GALNT9: variants seen among roughly 807,000 people sequenced by gnomAD.
GALNT9 encodes polypeptide N-acetylgalactosaminyltransferase 9.
A neutral mutation model predicts 63.1 loss-of-function variants in GALNT9; 47 were observed. That is an observed-to-expected ratio of 0.75 (90% CI 0.59 to 0.95). The LOEUF is 0.95. Among genes scored for constraint, GALNT9 ranks in the 40% least tolerant of loss-of-function variants. The pLI, the probability that GALNT9 is intolerant of heterozygous loss-of-function variation, is 0.00. For synonymous variants in GALNT9, 396 were observed against 365.7 expected (o/e 1.08, Z -0.94); for missense variants, 829 against 874.8 (o/e 0.95, Z 0.66).
At chr12:132,249,692 G>A (rs1013780408) in intron 5 of GALNT9, among the ~76,000 whole-genome samples, 8 of 152,212 alleles carry the variant, frequency 5.3e-5, no homozygotes, top group South Asian at 2.1e-4. Flanking sequence ...CTATTGTAGC[G>A]GGTAGCGTCT....
At position 132,220,949 on chromosome 12, in the gene GALNT9, C is replaced by T. The variant is rs543671040; in HGVS notation, c.1078-17259G>A. Among the ~76,000 whole-genome samples the T allele has an allele frequency of 4.1e-5, 6 of 147,974 alleles. No individual in the cohort carries two copies. The East Asian group carries it at 6.0e-4, about 15-fold the overall frequency. ...GCTCACATCTGTAATCCCAGGTACT[C>T]GGGAGGCTGAGGCAGGACAATCACT... On this transcript the variant is annotated intron_variant, in intron 6 of 10. Transcript: ENST00000328957.
chr12:132,202,185 G>A (rs1210346456), intron 7 of GALNT9, among the ~76,000 whole-genome samples: 2 of 152,232 alleles, frequency 1.3e-5, no homozygotes, highest in East Asian at 1.9e-4. Context: ...TCACACCAGG[G>A]CCCTTGGACA....
chr12:132,300,732 G>T (rs1555243769), intron 1 of GALNT9, among the ~76,000 whole-genome samples: 1 of 142,976 alleles, frequency 7.0e-6, no homozygotes, highest in African/African-American at 2.7e-5. Context: ...ACCCATCCCT[G>T]AGATAACCAA....
chr12:132,306,090 G>A (rs1183811762), intron 1 of GALNT9, among the ~76,000 whole-genome samples: 1 of 152,210 alleles, frequency 6.6e-6, no homozygotes, highest in Non-Finnish European at 1.5e-5. Context: ...GGGAGCCTGT[G>A]GGGACCACAC....
Position 132,325,947 on chromosome 12 carries a change from G to A in GALNT9, c.238+3019C>T, listed in dbSNP as rs189999972. ...AGAGTGAGTCCAGCCGCTGCGACGC[G>A]GGCGACCGTGCTCCCTGGCGGTGAC... On this transcript the variant is annotated intron_variant, in intron 1 of 10. Coordinates refer to ENST00000328957, the MANE Select transcript of GALNT9 (RefSeq NM_001122636.2). Among the ~76,000 whole-genome samples the A allele has an allele frequency of 1.7e-3, 254 of 152,384 alleles. 1 individual carries two copies. Among genetic ancestry groups the A allele is most frequent in the African/African-American group, 5.4e-3 (224 of 41,590 alleles).
At chr12:132,243,739 A>G (rs2136905884) in intron 6 of GALNT9, among the ~76,000 whole-genome samples, 1 of 152,118 alleles carries the variant, frequency 6.6e-6, no homozygotes, top group South Asian at 2.1e-4. Flanking sequence ...GCTCTCCCCA[A>G]CATGCCACCA....
intron 1 of GALNT9, among the ~76,000 whole-genome samples, chr12:132,294,087 G>A (rs1555243017): frequency 6.6e-6 from 1 of 152,258 alleles, no homozygotes; most frequent in Non-Finnish European, 1.5e-5. Flanking sequence ...TGTGAATGAT[G>A]TGGCTGACAG....
intron 1 of GALNT9, among the ~76,000 whole-genome samples, chr12:132,328,263 G>A (rs530221119): frequency 2.6e-5 from 4 of 152,098 alleles, no homozygotes; most frequent in Non-Finnish European, 5.9e-5. Flanking sequence ...CAGACCCACC[G>A]GGAGCTGGAG....
In GALNT9 at chr12:132,197,884, A is replaced by G. The variant is rs781602758; in HGVS notation, c.1573T>C (p.Cys525Arg). 1 of 1,611,598 alleles carries G rather than the reference A, an allele frequency of 6.2e-7. No individual in the cohort carries two copies. The highest frequency in any genetic ancestry group is 1.1e-5 in the South Asian group (1 of 90,832). Residue 525 changes from cysteine to arginine, a missense_variant, in exon 10 of 11, where the codon TGT (cysteine) becomes CGT (arginine). Coordinates refer to ENST00000328957, the MANE Select transcript of GALNT9 (RefSeq NM_001122636.2). ...CGGCCCGTGCCGTCATCCACCAGACACTTGGAGTCAGGCAAGAAGGCTGTG... is the reference window on the plus strand; with the variant it reads ...CGGCCCGTGCCGTCATCCACCAGACGCTTGGAGTCAGGCAAGAAGGCTGTG... ...GSTAFLPDSK[C>R]LVDDGTGRMP...
At chr12:132,305,222 C>G (rs1555244512) in intron 1 of GALNT9, among the ~76,000 whole-genome samples, 1 of 54,666 alleles carries the variant, frequency 1.8e-5, no homozygotes, top group Non-Finnish European at 3.1e-5. Context: ...CACCCTCGCC[C>G]GGACACACCC....
chr12:132,198,840 C>T (rs942181353), intron 9 of GALNT9, among the ~76,000 whole-genome samples: 5 of 152,148 alleles, frequency 3.3e-5, no homozygotes. Context: ...TTTGTAGCGA[C>T]AGGGTTTCGC....
intron 6 of GALNT9, among the ~76,000 whole-genome samples, chr12:132,231,088 CAG>C (rs1187701821): frequency 2.2e-5 from 2 of 92,124 alleles, no homozygotes; most frequent in Non-Finnish European, 2.1e-5. Flanking sequence ...GATGGGGCGA[CAG>C]AGGAGACAGC....
chr12:132,198,453 G>A (rs1214820716), intron 9 of GALNT9, among the ~76,000 whole-genome samples: 1 of 151,668 alleles, frequency 6.6e-6, no homozygotes, highest in Non-Finnish European at 1.5e-5. Flanking sequence ...GCTGGGCCTG[G>A]GCCTGTGCTG....
rs1441288222 is a variant in GALNT9, at chr12:132,327,580, G to C, written c.238+1386C>G. Reference sequence around the variant, plus strand: ...GCCATGTGCTATTGCCGGGCACACCGCCTTCCGGGAGATGAATTGCTCTGC... The same window carrying C: ...GCCATGTGCTATTGCCGGGCACACCCCCTTCCGGGAGATGAATTGCTCTGC... On this transcript the variant is annotated intron_variant, in intron 1 of 10. Coordinates refer to ENST00000328957, the MANE Select transcript of GALNT9 (RefSeq NM_001122636.2). This position sits in a 1 kb window ranked among gnomAD's most constrained non-coding sequence, Gnocchi z 4.3. Among the ~76,000 whole-genome samples, 1 of 152,172 alleles carries C rather than the reference G, an allele frequency of 6.6e-6. No individual in the cohort carries two copies. Among genetic ancestry groups the C allele is most frequent in the African/African-American group, 2.4e-5 (1 of 41,444 alleles).
Position 132,257,865 on chromosome 12 carries a change from C to A in GALNT9, c.783G>T (p.Arg261=). 6.5e-7 allele frequency: 1 copy of A among 1,546,536 alleles called. No homozygotes were observed. The highest frequency in any genetic ancestry group is 8.7e-7 in the Non-Finnish European group (1 of 1,145,530). The change falls in exon 5 of 11, where the codon CGG becomes CGT. Residue 261 remains arginine, a synonymous_variant. Coordinates refer to ENST00000328957, the MANE Select transcript of GALNT9 (RefSeq NM_001122636.2). ...NTGWAEPALS[R]IREDRRRIVL... The stretch of plus-strand genomic sequence containing the variant: ...CGATGCGACGCCGGTCCTCTCGGAT[C>A]CGCGACAGTGCGGGCTCGGCCCTGC...
chr12:132,257,075 C>A (rs868923393), intron 5 of GALNT9, among the ~76,000 whole-genome samples: 15 of 152,176 alleles, frequency 9.9e-5, no homozygotes, highest in African/African-American at 2.9e-4. Context: ...TTGATGGGGC[C>A]AGTGAGCCTG....
chr12:132,265,823 G>A lies in GALNT9; in HGVS notation c.420-3198C>T, dbSNP rs1879573324. 6.6e-6 allele frequency among the ~76,000 whole-genome samples: 1 copy of A among 152,218 alleles called. No homozygotes were observed. On this transcript the variant is annotated intron_variant, in intron 2 of 10. Coordinates refer to ENST00000328957, the MANE Select transcript of GALNT9 (RefSeq NM_001122636.2). This position sits in a 1 kb window ranked among gnomAD's most constrained non-coding sequence, Gnocchi z 5.3. ...CACTGTACACACAGTTACACTCCAAGTTCAGCTCATTTTAATAGTAAGAGA... is the reference window on the plus strand; with the variant it reads ...CACTGTACACACAGTTACACTCCAAATTCAGCTCATTTTAATAGTAAGAGA...
rs146109344 is a variant in GALNT9, at chr12:132,207,021, C to T, written c.1078-3331G>A. The stretch of plus-strand genomic sequence containing the variant: ...TTGAGGCTGCAGTGAGCCAAGATCA[C>T]GTAACGCTCTCCAACCTGGGTTAAA... On this transcript the variant is annotated intron_variant, in intron 6 of 10. Transcript: ENST00000328957. Among the ~76,000 whole-genome samples, 84 of 152,290 alleles carry T rather than the reference C, an allele frequency of 5.5e-4. 1 individual carries two copies. Among genetic ancestry groups the T allele is most frequent in the Admixed American group, 1.4e-3 (22 of 15,306 alleles).
intron 2 of GALNT9, among the ~76,000 whole-genome samples, chr12:132,268,449 A>G (rs1373533507): frequency 6.6e-6 from 1 of 152,256 alleles, no homozygotes; most frequent in Non-Finnish European, 1.5e-5. Context: ...AGTCCCTGGA[A>G]GGGAATAGAG....
Sources: gnomAD v4.1 joint callset for allele counts (sites outside exome capture counted in the v4.1 genomes callset) on GRCh38, gnomAD v4.1.1 for gene constraint, Gnocchi (gnomAD v3.1) non-coding constraint, MANE v1.5 for transcripts, NCBI Gene and HGNC (gene_info 2026-07-23, HGNC 2026-07-21) for gene names.